Variants in NEDD4L observed in about 807,000 individuals in gnomAD.
NEDD4L encodes the protein E3 ubiquitin-protein ligase NEDD4-like.
In NEDD4L, 54 loss-of-function variants were observed where a neutral mutation model predicts 148.9. The ratio of observed to expected loss-of-function variants is 0.36; its 90% confidence interval spans 0.29 to 0.45. The LOEUF (loss-of-function observed/expected upper bound fraction) is 0.45. Among genes scored for constraint, NEDD4L ranks in the 20% least tolerant of loss-of-function variants. The probability of loss-of-function intolerance (pLI) is 1.00; values close to 1 mark genes in which losing one functional copy is unlikely to be tolerated. For synonymous variants in NEDD4L, 433 were observed against 440.7 expected (o/e 0.98, Z 0.22); for missense variants, 856 against 1,233.8 (o/e 0.69, Z 4.59).
chr18:58,114,891 C>T (rs2085684691), intron 1 of NEDD4L, among the ~76,000 whole-genome samples: 1 of 152,232 alleles, frequency 6.6e-6, no homozygotes, highest in African/African-American at 2.4e-5. Context: ...TCCTGGGATG[C>T]TCTCCTTCTG....
intron 23 of NEDD4L, among the ~76,000 whole-genome samples, chr18:58,372,830 CA>C (rs11318354): frequency 0.47 from 62,593 of 132,678 alleles, 13,936 homozygotes; most frequent in East Asian, 0.59. Flanking sequence ...ATCTCAAAAA[CA>C]AAAAAAAAAA....
chr18:58,158,186 C>T (rs1488684340), intron 1 of NEDD4L, among the ~76,000 whole-genome samples: 1 of 152,216 alleles, frequency 6.6e-6, no homozygotes, highest in African/African-American at 2.4e-5. Context: ...GGCCTCAGTT[C>T]CTTATCGCAG....
At chr18:58,179,781 C>T (rs559362559) in intron 2 of NEDD4L, among the ~76,000 whole-genome samples, 110 of 151,962 alleles carry the variant, frequency 7.2e-4, no homozygotes, top group Non-Finnish European at 1.2e-3. Context: ...AAAACAAGCT[C>T]GGGGCTCCTA....
At chr18:58,124,703 A>G (rs1246164615) in intron 1 of NEDD4L, among the ~76,000 whole-genome samples, 1 of 152,172 alleles carries the variant, frequency 6.6e-6, no homozygotes. Flanking sequence ...CACTGTCACT[A>G]AACGGCACCA....
intron 2 of NEDD4L, among the ~76,000 whole-genome samples, chr18:58,224,630 A>G (rs946373797): frequency 6.6e-6 from 1 of 152,198 alleles, no homozygotes; most frequent in Admixed American, 6.5e-5. Context: ...TTATATTTGT[A>G]TAACTATTTA....
chr18:58,237,575 A>T (rs1203185757), intron 2 of NEDD4L, among the ~76,000 whole-genome samples: 1 of 152,224 alleles, frequency 6.6e-6, no homozygotes, highest in African/African-American at 2.4e-5. Flanking sequence ...CAACATTTTT[A>T]CTACCAAAAG....
chr18:58,371,950 AC>A (rs1165583717), intron 23 of NEDD4L: 2 of 152,130 alleles, frequency 1.3e-5, no homozygotes, highest in African/African-American at 2.4e-5. Context: ...AGCAGGAGAG[AC>A]CGTGGAGGGA....
At chr18:58,346,105 C>A (rs1203047684) in intron 16 of NEDD4L, among the ~76,000 whole-genome samples, 1 of 152,112 alleles carries the variant, frequency 6.6e-6, no homozygotes, top group Non-Finnish European at 1.5e-5. Context: ...GCTTTGTTCC[C>A]CGCCTGGGTC....
At position 58,366,264 on chromosome 18, in the gene NEDD4L, C is replaced by CTGAGACAGTTGTA; in HGVS notation, c.2063+40_2063+52dup. On this transcript the variant is annotated intron_variant, in intron 21 of 30. Transcript: ENST00000400345. This position sits in a 1 kb window ranked among gnomAD's most constrained non-coding sequence, Gnocchi z 4.2. ...GGCCACACCCAGTGTGTGTCCCCCA[C>CTGAGACAGTTGTA]TGAGACAGTTGTATGAATTTAAACA... 3 of 1,377,266 alleles carry CTGAGACAGTTGTA rather than the reference C, an allele frequency of 2.2e-6. No individual in the cohort carries two copies. The highest frequency in any genetic ancestry group is 3.0e-6 in the Non-Finnish European group (3 of 1,003,426). The allele number at this position is 1,377,266 out of a possible 1,614,324, so 85.3% of individuals were successfully genotyped here. A position where few individuals can be genotyped will look rare whatever the true frequency, so the allele number is the denominator to read the frequency against.
intron 1 of NEDD4L, among the ~76,000 whole-genome samples, chr18:58,135,352 C>T (rs1362973373): frequency 2.0e-5 from 3 of 152,192 alleles, no homozygotes; most frequent in Non-Finnish European, 4.4e-5. Context: ...TTTAATGATA[C>T]TCTCTCTTAC....
chr18:58,372,236 C>T (rs745327241), intron 23 of NEDD4L: 10 of 152,146 alleles, frequency 6.6e-5, no homozygotes, highest in Non-Finnish European at 1.5e-4. Context: ...TCTCAGCCTC[C>T]CAAGTAGCTA....
intron 22 of NEDD4L, among the ~76,000 whole-genome samples, chr18:58,368,999 G>A (rs928038035): frequency 6.6e-6 from 1 of 152,220 alleles, no homozygotes; most frequent in Non-Finnish European, 1.5e-5. Flanking sequence ...CTAACAGGGG[G>A]TAATAGAGAA....
chr18:58,050,887 T>A (rs1181302943), intron 1 of NEDD4L, among the ~76,000 whole-genome samples: 2 of 152,252 alleles, frequency 1.3e-5, no homozygotes, highest in Non-Finnish European at 2.9e-5. Flanking sequence ...CATTGCATGG[T>A]ACTCAGGCAT....
intron 1 of NEDD4L, among the ~76,000 whole-genome samples, chr18:58,085,373 G>A (rs535580869): frequency 1.2e-4 from 19 of 152,288 alleles, no homozygotes; most frequent in African/African-American, 4.3e-4. Context: ...TCTACCCAGC[G>A]TAGGGGGGTC....
intron 5 of NEDD4L, among the ~76,000 whole-genome samples, chr18:58,259,705 G>A (rs573194120): frequency 1.1e-3 from 175 of 152,302 alleles, no homozygotes; most frequent in Non-Finnish European, 2.2e-3. Flanking sequence ...AGTTTGTAAT[G>A]TAAACGGAGG....
rs116320656 is a variant in NEDD4L at position 58,090,196 on chromosome 18, C to A, written c.48+45488C>A. 6.7e-3 allele frequency among the ~76,000 whole-genome samples: 1,027 copies of A among 152,286 alleles called. 10 individuals carry two copies. Among genetic ancestry groups the A allele is most frequent in the African/African-American group, 0.023 (967 of 41,564 alleles). On this transcript the variant is annotated intron_variant, in intron 1 of 30. Transcript: ENST00000400345. ...TGTGGTTCTTAGTTAGCCTCACCTT[C>A]ATTCTTCCTTTTGGTGTTACGGTCT...
At chr18:58,333,061 G>A (rs2041209565) in intron 11 of NEDD4L, among the ~76,000 whole-genome samples, 11 of 152,002 alleles carry the variant, frequency 7.2e-5, no homozygotes, top group Admixed American at 7.2e-4. Flanking sequence ...TGAATCATCT[G>A]AGGTCAGGAG....
In NEDD4L at chr18:58,308,298, G is replaced by A. The variant is rs561056576; in HGVS notation, c.298-7684G>A. 1.8e-3 allele frequency among the ~76,000 whole-genome samples: 269 copies of A among 152,322 alleles called. 1 individual carries two copies. Among genetic ancestry groups the A allele is most frequent in the Middle Eastern group, 3.4e-3 (1 of 294 alleles). ...TTTCTTTCACAAGAAAGACAGTGAA[G>A]GAACAATTAATAACAGGACCCCAGT... On this transcript the variant is annotated intron_variant, in intron 5 of 30. Transcript: ENST00000400345.
intron 19 of NEDD4L, 32 bp downstream of exon 19, chr18:58,357,284 T>A: frequency 6.3e-7 from 1 of 1,590,396 alleles, no homozygotes; most frequent in East Asian, 2.2e-5. Context: ...CTCTTCAGTA[T>A]AAGATTTTGG....
Sources: allele counts gnomAD v4.1 joint callset (sites outside exome capture counted in the v4.1 genomes callset), GRCh38; gene constraint gnomAD v4.1.1; non-coding constraint Gnocchi (gnomAD v3.1); transcripts MANE v1.5; gene names NCBI Gene and HGNC (gene_info 2026-07-23, HGNC 2026-07-21).